EIF3H: variants seen among roughly 807,000 people sequenced by gnomAD.
The protein encoded by EIF3H is eukaryotic translation initiation factor 3 subunit H.
EIF3H carries 26 observed loss-of-function variants against 44.2 expected under a neutral mutation model. That is an observed-to-expected ratio of 0.59 (90% CI 0.43 to 0.82). The LOEUF is 0.82. Among genes scored for constraint, EIF3H ranks in the 40% least tolerant of loss-of-function variants. The probability of loss-of-function intolerance (pLI) is 0.00; values close to 1 mark genes in which losing one functional copy is unlikely to be tolerated. For synonymous variants in EIF3H, 166 were observed against 151.9 expected (o/e 1.09, Z -0.68); for missense variants, 359 against 432.8 (o/e 0.83, Z 1.51).
chr8:116,766,342 T>TCG (rs558964135), upstream of EIF3H: 107 of 405,236 alleles, frequency 2.6e-4, 1 homozygote, highest in East Asian at 2.5e-3. Flanking sequence ...CCGTGCGGAA[T>TCG]CGCGCACCCC....
At chr8:116,711,556 G>T (rs1442992411) in intron 2 of EIF3H, among the ~76,000 whole-genome samples, 1 of 151,816 alleles carries the variant, frequency 6.6e-6, no homozygotes, top group Non-Finnish European at 1.5e-5. Context: ...AAATGACAAT[G>T]AATCAAAAAT....
chr8:116,650,755 T>C (rs775183377), intron 5 of EIF3H, among the ~76,000 whole-genome samples: 3 of 152,190 alleles, frequency 2.0e-5, no homozygotes, highest in Non-Finnish European at 4.4e-5. Flanking sequence ...CAAGCAATTC[T>C]TGTGCCTCAG....
intron 1 of EIF3H, among the ~76,000 whole-genome samples, chr8:116,754,365 C>T (rs1161879121): frequency 3.9e-5 from 6 of 152,198 alleles, no homozygotes; most frequent in Admixed American, 6.5e-5. Flanking sequence ...CCCGCCTCGG[C>T]CTCCCAAAGT....
chr8:116,664,688 T>C (rs796686532), intron 2 of EIF3H, among the ~76,000 whole-genome samples: 25 of 152,310 alleles, frequency 1.6e-4, no homozygotes, highest in African/African-American at 5.5e-4. Flanking sequence ...TCAAGATATG[T>C]TCAGTAGATC....
intron 2 of EIF3H, among the ~76,000 whole-genome samples, chr8:116,670,162 T>C (rs1391136666): frequency 6.6e-6 from 1 of 152,218 alleles, no homozygotes; most frequent in Non-Finnish European, 1.5e-5. Context: ...ACTATGGAGA[T>C]AGTCCAAAGC....
rs1354899421 is a variant in EIF3H at position 116,648,949 on chromosome 8, T to C, written c.708-23A>G. The C allele has an allele frequency of 4.4e-6, 7 of 1,594,318 alleles. No homozygotes were observed. The African/African-American group carries it at 6.7e-5, about 15-fold the overall frequency. ...TTGCTGAAATGTAAAGTAAATATAC[T>C]GACAAGTCTTACTTTAAATTATAGC... On this transcript the variant is annotated intron_variant, in intron 5 of 7. Transcript: ENST00000521861.
chr8:116,750,747 TGAGG>T (rs914436548), intron 1 of EIF3H, among the ~76,000 whole-genome samples: 1 of 151,888 alleles, frequency 6.6e-6, no homozygotes, highest in African/African-American at 2.4e-5. Flanking sequence ...CTAAGTAGTC[TGAGG>T]GGCTGGAATG....
chr8:116,666,802 T>C (rs1307665525), intron 2 of EIF3H, among the ~76,000 whole-genome samples: 2 of 146,876 alleles, frequency 1.4e-5, no homozygotes, highest in Admixed American at 1.3e-4. Flanking sequence ...GGCTCTTTCA[T>C]GAGGACAAGT....
Position 116,679,374 on chromosome 8 carries a change from C to T in EIF3H, c.290-20394G>A, listed in dbSNP as rs1350207065. ...GGTCAGCCCCCCGCCCGGTCAGCCC[C>T]CCGCCCGGCCAGCCGCCCCGTCCGG... On this transcript the variant is annotated intron_variant, in intron 2 of 7. Coordinates refer to ENST00000521861, the MANE Select transcript of EIF3H (RefSeq NM_003756.3). 5.4e-5 allele frequency among the ~76,000 whole-genome samples: 4 copies of T among 74,128 alleles called. 1 individual carries two copies. In the South Asian group the frequency reaches 2.1e-3, roughly 39 times the overall value. 48.6% of individuals were successfully genotyped at this position (74,128 alleles called of 152,430 possible).
chr8:116,665,214 G>A (rs1256532259), intron 2 of EIF3H, among the ~76,000 whole-genome samples: 3 of 152,138 alleles, frequency 2.0e-5, no homozygotes, highest in African/African-American at 7.2e-5. Flanking sequence ...TAGGTTTCCA[G>A]AAACCACATC....
intron 2 of EIF3H, among the ~76,000 whole-genome samples, chr8:116,707,956 GT>G (rs970753200): frequency 3.3e-5 from 5 of 151,980 alleles, no homozygotes; most frequent in African/African-American, 1.2e-4. Context: ...ATAAATTCAT[GT>G]TTCCTGATTC....
chr8:116,716,758 C>T (rs1021682242), intron 2 of EIF3H, among the ~76,000 whole-genome samples: 4 of 152,102 alleles, frequency 2.6e-5, no homozygotes, highest in Non-Finnish European at 4.4e-5. Flanking sequence ...ATGGGCATCA[C>T]CGTGTCCCTA....
intron 2 of EIF3H, among the ~76,000 whole-genome samples, chr8:116,703,851 T>G (rs1221761630): frequency 2.0e-5 from 3 of 152,174 alleles, no homozygotes; most frequent in Non-Finnish European, 4.4e-5. Flanking sequence ...TCTTGTGTCT[T>G]TATTTCTACC....
chr8:116,704,640 C>T (rs1814437009), intron 2 of EIF3H, among the ~76,000 whole-genome samples: 1 of 152,128 alleles, frequency 6.6e-6, no homozygotes, highest in Admixed American at 6.5e-5. Flanking sequence ...GGAAGATATC[C>T]TCGGCGTCAA....
chr8:116,664,328 A>G (rs1186401598), intron 2 of EIF3H, among the ~76,000 whole-genome samples: 6 of 152,236 alleles, frequency 3.9e-5, no homozygotes, highest in African/African-American at 7.2e-5. Flanking sequence ...ACTGTCACAT[A>G]TGAAAACACT....
intron 2 of EIF3H, among the ~76,000 whole-genome samples, chr8:116,681,683 A>AAT (rs1218874085): frequency 3.3e-5 from 5 of 152,158 alleles, no homozygotes; most frequent in East Asian, 1.9e-4. Context: ...AAAAAAAAAA[A>AAT]AATCTAAAAT....
At chr8:116,704,108 T>G (rs1472393570) in intron 2 of EIF3H, among the ~76,000 whole-genome samples, 1 of 152,204 alleles carries the variant, frequency 6.6e-6, no homozygotes, top group East Asian at 1.9e-4. Context: ...GATACTCTGC[T>G]CCATTCTACC....
intron 1 of EIF3H, among the ~76,000 whole-genome samples, chr8:116,752,575 G>A (rs1404347490): frequency 6.6e-6 from 1 of 151,220 alleles, no homozygotes; most frequent in Non-Finnish European, 1.5e-5. Context: ...GCTGGAATAA[G>A]GATCTGAATC....
At chr8:116,680,740 T>A (rs1367211097) in intron 2 of EIF3H, among the ~76,000 whole-genome samples, 1 of 144,928 alleles carries the variant, frequency 6.9e-6, no homozygotes, top group African/African-American at 2.6e-5. Flanking sequence ...TTTGTTCACT[T>A]GTTTATCTAC....
Sources: gnomAD v4.1 joint callset for allele counts (sites outside exome capture counted in the v4.1 genomes callset) on GRCh38, gnomAD v4.1.1 for gene constraint, MANE v1.5 for transcripts, NCBI Gene and HGNC (gene_info 2026-07-23, HGNC 2026-07-21) for gene names.